Variants in CARS2 observed in about 807,000 individuals in gnomAD.
CARS2 encodes cysteinyl-tRNA synthetase 2, mitochondrial.
CARS2 carries 52 observed loss-of-function variants against 68.8 expected under a neutral mutation model. That is an observed-to-expected ratio of 0.76 (90% CI 0.61 to 0.95). The LOEUF (loss-of-function observed/expected upper bound fraction) is 0.95, where lower values mean the gene tolerates loss of function less well. CARS2 is among the 40% of genes least tolerant of loss of function. The pLI, the probability that CARS2 is intolerant of heterozygous loss-of-function variation, is 0.00. For synonymous variants in CARS2, 314 were observed against 303.6 expected (o/e 1.03, Z -0.36); for missense variants, 780 against 754.2 (o/e 1.03, Z -0.40).
chr13:110,651,250 T>C lies in CARS2; in HGVS notation c.988-150A>G, dbSNP rs912329665. 3 of 568,436 alleles carry C rather than the reference T, an allele frequency of 5.3e-6. No individual in the cohort carries two copies. The South Asian group carries it at 6.5e-5, about 12-fold the overall frequency. 35.2% of individuals were successfully genotyped at this position (568,436 alleles called of 1,614,324 possible). A position where few individuals can be genotyped will look rare whatever the true frequency, so the allele number is the denominator to read the frequency against. On this transcript the variant is annotated intron_variant, in intron 9 of 14. Transcript: ENST00000257347. ...GAAAATGAGCCCTCCAAACTCACAA[T>C]TACCACCTGTTTCCTGGTGATTTCC... is the stretch of plus-strand genomic sequence containing the variant.
Position 110,653,778 on chromosome 13 carries a change from A to G in CARS2, c.988-2678T>C, listed in dbSNP as rs888715713. ...TGAGTTTATACGGACTAAAGGAGAAACATATTATAACTTCTTCATTACACA... is the reference window on the plus strand; with the variant it reads ...TGAGTTTATACGGACTAAAGGAGAAGCATATTATAACTTCTTCATTACACA... On this transcript the variant is annotated intron_variant, in intron 9 of 14. Coordinates refer to ENST00000257347, the MANE Select transcript of CARS2 (RefSeq NM_024537.4). The surrounding 1 kb of genome is among the most constrained non-coding windows in gnomAD (Gnocchi z 5.6). 2.0e-5 allele frequency among the ~76,000 whole-genome samples: 3 copies of G among 152,220 alleles called. No individual in the cohort carries two copies. The highest frequency in any genetic ancestry group is 4.4e-5 in the Non-Finnish European group (3 of 68,026).
intron 7 of CARS2, among the ~76,000 whole-genome samples, chr13:110,673,079 C>G (rs9588234): frequency 0.033 from 4,991 of 152,172 alleles, 283 homozygotes; most frequent in African/African-American, 0.11. Flanking sequence ...AATTAATAGC[C>G]TACCAACCAG....
At chr13:110,659,495 T>TC in intron 9 of CARS2, among the ~76,000 whole-genome samples, 1 of 117,848 alleles carries the variant, frequency 8.5e-6, no homozygotes, top group East Asian at 2.4e-4. Context: ...AGCCCAGATC[T>TC]CCTTTTTTTT....
At chr13:110,696,144 C>T (rs939325592) in intron 3 of CARS2, among the ~76,000 whole-genome samples, 1 of 152,180 alleles carries the variant, frequency 6.6e-6, no homozygotes, top group Non-Finnish European at 1.5e-5. Context: ...ATTCCATGTG[C>T]CACATTTTCT....
At chr13:110,648,280 T>C (rs1053468645) in intron 10 of CARS2, 3 of 152,132 alleles carry the variant, frequency 2.0e-5, no homozygotes, top group African/African-American at 7.2e-5. Context: ...CGGGGACTGA[T>C]AGAGTTGATG....
chr13:110,642,619 G>A (rs373546015), intron 13 of CARS2, 98 bp from the exon 14 acceptor site: 16 of 1,170,656 alleles, frequency 1.4e-5, no homozygotes, highest in East Asian at 4.7e-5. Flanking sequence ...CACCCACCCA[G>A]CCCTGGGCTT....
chr13:110,713,259 AAG>A (rs1179021349), exon 1 of CARS2: 16 of 1,339,788 alleles, frequency 1.2e-5, no homozygotes, highest in African/African-American at 4.4e-5. Context: ...GGCGGGGACG[AAG>A]AGTCAGGGGC....
At chr13:110,662,944 C>T (rs949582741) in intron 9 of CARS2, 14 of 454,306 alleles carry the variant, frequency 3.1e-5, no homozygotes, top group Admixed American at 9.4e-5. Flanking sequence ...CAGAGCCCTC[C>T]GTGGGTGTGC....
chr13:110,687,585 G>A (rs1342259198), intron 5 of CARS2, 136 bp downstream of exon 5: 34 of 592,226 alleles, frequency 5.7e-5, no homozygotes, highest in South Asian at 1.8e-4. Flanking sequence ...AGGCTGAGAC[G>A]GGAGAATCGC....
Position 110,644,501 on chromosome 13 carries a change from G to A in CARS2, c.1318-18C>T, listed in dbSNP as rs185912329. 1,188 of 1,613,534 alleles carry A rather than the reference G, an allele frequency of 7.4e-4. 1 individual carries two copies. Among genetic ancestry groups the A allele is most frequent in the Non-Finnish European group, 9.3e-4 (1,100 of 1,179,750 alleles). On this transcript the variant is annotated intron_variant, in intron 12 of 14. Transcript: ENST00000257347. The stretch of plus-strand genomic sequence containing the variant: ...TCAGGTTCCTGTAAGAGATCATGTC[G>A]CAGAAGCTCCTTAAAAGCAGTCTTG...
intron 7 of CARS2, among the ~76,000 whole-genome samples, chr13:110,669,353 C>T (rs780593479): frequency 1.3e-5 from 2 of 152,048 alleles, no homozygotes; most frequent in African/African-American, 2.4e-5. Flanking sequence ...TATCTCCACC[C>T]AAACCCCCTC....
chr13:110,696,698 G>A (rs2063632997), intron 3 of CARS2, among the ~76,000 whole-genome samples: 1 of 152,152 alleles, frequency 6.6e-6, no homozygotes, highest in Non-Finnish European at 1.5e-5. Context: ...ACTCTCTACA[G>A]TTAGAATGTT....
chr13:110,664,587 T>C, intron 8 of CARS2: 1 of 967,406 alleles, frequency 1.0e-6, no homozygotes. Context: ...ATATATAACT[T>C]TGAACATGTA....
rs141200784 is a variant in CARS2 at position 110,679,455 on chromosome 13, G to A, written c.656-2352C>T. Among the ~76,000 whole-genome samples, 1,298 of 151,386 alleles carry A rather than the reference G, an allele frequency of 8.6e-3. 20 individuals are homozygous for A. The highest frequency in any genetic ancestry group is 0.03 in the African/African-American group (1,236 of 41,178). ...TGAGGCAGGAGAATCGCTTGAGCTC[G>A]GGAGGCGGAGGTTACAGTGAGCCGA... is the stretch of plus-strand genomic sequence containing the variant. On this transcript the variant is annotated intron_variant, in intron 6 of 14. Coordinates refer to ENST00000257347, the MANE Select transcript of CARS2 (RefSeq NM_024537.4).
At chr13:110,693,367 A>G (rs2063529526) in intron 3 of CARS2, among the ~76,000 whole-genome samples, 3 of 151,302 alleles carry the variant, frequency 2.0e-5, no homozygotes, top group Admixed American at 6.6e-5. Context: ...GAAAACTTAC[A>G]TTCTTTTTTT....
chr13:110,652,130 C>T (rs537296372), intron 9 of CARS2, among the ~76,000 whole-genome samples: 1 of 152,396 alleles, frequency 6.6e-6, no homozygotes, highest in South Asian at 2.1e-4. Flanking sequence ...GCTGACCTTG[C>T]TGGAGTGAGA....
rs1474595916 is a variant in CARS2 at position 110,641,573 on chromosome 13, C to T, written c.1659G>A (p.Leu553=). Residue 553 remains leucine (L), a synonymous_variant, in exon 15 of 15, where the codon CTG becomes CTA. Transcript: ENST00000257347. ...RSSTTSTWEL[L]DQRTKDQKSA... ...ATTTTTGGTCTTTTGTCCTTTGATC[C>T]AGCAGTTCCCACGTGGATGTTGTAC... 1.9e-6 allele frequency: 3 copies of T among 1,614,132 alleles called. No homozygotes were observed. In the Admixed American group the frequency reaches 5.0e-5, roughly 27 times the overall value.
chr13:110,680,987 G>A (rs966451702), intron 6 of CARS2, among the ~76,000 whole-genome samples: 3 of 152,162 alleles, frequency 2.0e-5, no homozygotes, highest in South Asian at 2.1e-4. Context: ...AGGTGCCTTC[G>A]CTCCCTTGCC....
intron 9 of CARS2, among the ~76,000 whole-genome samples, chr13:110,654,309 T>C (rs2062305092): frequency 6.6e-6 from 1 of 152,214 alleles, no homozygotes; most frequent in Non-Finnish European, 1.5e-5. Flanking sequence ...GTTGAGCTCT[T>C]TCTACGTGGA....
Sources: gnomAD v4.1 joint callset for allele counts (sites outside exome capture counted in the v4.1 genomes callset) on GRCh38, gnomAD v4.1.1 for gene constraint, Gnocchi (gnomAD v3.1) non-coding constraint, MANE v1.5 for transcripts, NCBI Gene and HGNC (gene_info 2026-07-23, HGNC 2026-07-21) for gene names.